Variants in TYR observed in about 807,000 individuals in gnomAD.
TYR encodes the protein tyrosinase.
In TYR, 58 loss-of-function variants were observed where a neutral mutation model predicts 51.5. That is an observed-to-expected ratio of 1.13 (90% CI 0.91 to 1.40). The LOEUF is 1.40. TYR is among the 40% of genes most tolerant of loss of function. The pLI, the probability that TYR is intolerant of heterozygous loss-of-function variation, is 0.00. For missense variants in TYR, 732 were observed against 647.4 expected (o/e 1.13, Z -1.42); for synonymous variants, 263 against 235.2 (o/e 1.12, Z -1.08).
At chr11:89,221,484 C>T (rs542416626) in intron 2 of TYR, among the ~76,000 whole-genome samples, 1 of 152,290 alleles carries the variant, frequency 6.6e-6, no homozygotes, top group East Asian at 1.9e-4. Context: ...TAATGCTTCT[C>T]GTGTATCTAG....
At chr11:89,186,608 A>T (rs1326457819) in intron 1 of TYR, among the ~76,000 whole-genome samples, 1 of 152,102 alleles carries the variant, frequency 6.6e-6, no homozygotes, top group Non-Finnish European at 1.5e-5. Flanking sequence ...TGTTGATCCC[A>T]TGATTTGTTG....
chr11:89,204,397 A>C (rs955700298), intron 2 of TYR, among the ~76,000 whole-genome samples: 5 of 145,530 alleles, frequency 3.4e-5, no homozygotes. Context: ...GAGATTATAC[A>C]TTTTTTTTTT....
intron 2 of TYR, among the ~76,000 whole-genome samples, chr11:89,217,596 G>T (rs1943849169): frequency 6.6e-6 from 1 of 152,202 alleles, no homozygotes; most frequent in Non-Finnish European, 1.5e-5. Flanking sequence ...GCATCCAGGA[G>T]TTAAGGGAAA....
intron 2 of TYR, among the ~76,000 whole-genome samples, chr11:89,204,840 A>G (rs1045484027): frequency 1.3e-5 from 2 of 151,602 alleles, no homozygotes; most frequent in African/African-American, 4.9e-5. Flanking sequence ...AAAAAAAAAG[A>G]CAGCAGACGT....
rs368354340 is a variant in TYR, at chr11:89,190,273, A to G, written c.820-929A>G. On this transcript the variant is annotated intron_variant, in intron 1 of 4. Transcript: ENST00000263321. ...GCCTGGATGTTTTATAGAGATTGTT[A>G]TAGAGATGATAGCTCCATGTGTACT... 1.4e-4 allele frequency among the ~76,000 whole-genome samples: 21 copies of G among 152,204 alleles called. No individual in the cohort carries two copies. The East Asian group carries it at 3.5e-3, about 25-fold the overall frequency.
At position 89,284,824 on chromosome 11, in the gene TYR, A is replaced by G. The variant is rs776895485; in HGVS notation, c.1236A>G (p.Pro412=). The change falls in exon 4 of 5, where the codon CCA becomes CCG. Residue 412 remains proline, a synonymous_variant. Coordinates refer to ENST00000263321, the MANE Select transcript of TYR (RefSeq NM_000372.5). ...ACCGTCCTCTTCAAGAAGTTTATCC[A>G]GAAGCCAATGCACCCATTGGACATA... ...RRHRPLQEVY[P]EANAPIGHNR... 17 of 1,611,872 alleles carry G rather than the reference A, an allele frequency of 1.1e-5. No homozygotes were observed. Among genetic ancestry groups the G allele is most frequent in the Non-Finnish European group, 1.4e-5 (16 of 1,178,596 alleles).
chr11:89,268,755 C>T (rs1298248964), intron 3 of TYR, among the ~76,000 whole-genome samples: 1 of 151,886 alleles, frequency 6.6e-6, no homozygotes, highest in Non-Finnish European at 1.5e-5. Flanking sequence ...ATGCATAAGG[C>T]CTTTCACAGT....
At chr11:89,180,010 C>T (rs1241678972) in intron 1 of TYR, among the ~76,000 whole-genome samples, 1 of 152,102 alleles carries the variant, frequency 6.6e-6, no homozygotes, top group Non-Finnish European at 1.5e-5. Context: ...ATGTAGATGG[C>T]CTTCTCCGCC....
At chr11:89,278,935 T>C (rs1295617112) in intron 3 of TYR, among the ~76,000 whole-genome samples, 1 of 151,762 alleles carries the variant, frequency 6.6e-6, no homozygotes, top group Non-Finnish European at 1.5e-5. Flanking sequence ...ACTGCTCAGG[T>C]ATTTTGTAAA....
intron 3 of TYR, among the ~76,000 whole-genome samples, chr11:89,241,061 A>C (rs2135291294): frequency 6.6e-6 from 1 of 152,322 alleles, no homozygotes; most frequent in Admixed American, 6.5e-5. Context: ...GATTTGGGAA[A>C]AACTAAAGAC....
At chr11:89,240,906 C>A (rs141553778) in intron 3 of TYR, among the ~76,000 whole-genome samples, 2,636 of 152,226 alleles carry the variant, frequency 0.017, 71 homozygotes, top group African/African-American at 0.059. Context: ...TGACAAGGGA[C>A]TCTAAGCTGT....
chr11:89,284,842 T>C lies in TYR; in HGVS notation c.1254T>C (p.Ile418=). ...TTTATCCAGAAGCCAATGCACCCATTGGACATAACCGGGAATCCTACATGG... is the reference window on the plus strand; with the variant it reads ...TTTATCCAGAAGCCAATGCACCCATCGGACATAACCGGGAATCCTACATGG... The part of the protein sequence containing the change: ...QEVYPEANAP[I]GHNRESYMVP... Residue 418 remains isoleucine, a synonymous_variant, in exon 4 of 5, where the codon ATT becomes ATC. Coordinates refer to ENST00000263321, the MANE Select transcript of TYR (RefSeq NM_000372.5). The C allele has an allele frequency of 1.2e-6, 2 of 1,612,070 alleles. No individual in the cohort carries two copies. Among genetic ancestry groups the C allele is most frequent in the Non-Finnish European group, 1.7e-6 (2 of 1,178,638 alleles).
At chr11:89,274,125 G>T (rs942516321) in intron 3 of TYR, among the ~76,000 whole-genome samples, 2 of 151,866 alleles carry the variant, frequency 1.3e-5, no homozygotes, top group Non-Finnish European at 2.9e-5. Context: ...ATGAAGTTAA[G>T]TAGCTTGCCC....
intron 1 of TYR, among the ~76,000 whole-genome samples, chr11:89,188,199 G>A (rs1943401089): frequency 6.6e-6 from 1 of 151,666 alleles, no homozygotes; most frequent in South Asian, 2.1e-4. Flanking sequence ...TATTAAAAAT[G>A]TTTAAGTCAA....
At chr11:89,262,746 A>C (rs1207278425) in intron 3 of TYR, among the ~76,000 whole-genome samples, 12 of 146,672 alleles carry the variant, frequency 8.2e-5, no homozygotes, top group African/African-American at 3.0e-4. Context: ...GATAAAGTAG[A>C]TAAAATAAAT....
intron 2 of TYR, among the ~76,000 whole-genome samples, chr11:89,201,496 C>T (rs1034720270): frequency 6.6e-6 from 1 of 152,088 alleles, no homozygotes; most frequent in Non-Finnish European, 1.5e-5. Context: ...ATTAAAAAGG[C>T]ATGTAAAAAA....
intron 3 of TYR, among the ~76,000 whole-genome samples, chr11:89,269,957 C>T (rs145387089): frequency 0.024 from 3,596 of 151,964 alleles, 133 homozygotes; most frequent in African/African-American, 0.081. Context: ...TATCTACTAC[C>T]GTGTTGCTCC....
rs546537919 is a variant in TYR, at chr11:89,178,004, T to C, written c.51T>C (p.Ala17=). The C allele has an allele frequency of 3.3e-5, 54 of 1,614,084 alleles. No individual in the cohort carries two copies. The highest frequency in any genetic ancestry group is 4.5e-5 in the Non-Finnish European group (53 of 1,180,038). The change falls in exon 1 of 5, where the codon GCT becomes GCC. Residue 17 remains alanine, a synonymous_variant. Coordinates refer to ENST00000263321, the MANE Select transcript of TYR (RefSeq NM_000372.5). ...TGCTGTGGAGTTTCCAGACCTCCGC[T>C]GGCCATTTCCCTAGAGCCTGTGTCT... The part of the protein sequence containing the change: ...YCLLWSFQTS[A]GHFPRACVSS...
chr11:89,295,215 G>C lies in TYR; in HGVS notation c.1439G>C (p.Gly480Ala). 1 of 1,613,980 alleles carries C rather than the reference G, an allele frequency of 6.2e-7. No individual in the cohort carries two copies. The highest frequency in any genetic ancestry group is 1.7e-4 in the Middle Eastern group (1 of 6,054). Residue 480 changes from glycine (G) to alanine (A), a missense_variant, in exon 5 of 5, where the codon GGG becomes GCG. By Grantham distance (60) the Gly-to-Ala change is moderately conservative. Transcript: ENST00000263321. ...QASRIWSWLL[G>A]AAMVGAVLTA... ...AGTCGGATCTGGTCATGGCTCCTTGGGGCGGCGATGGTAGGGGCCGTCCTC... is the reference window on the plus strand; with the variant it reads ...AGTCGGATCTGGTCATGGCTCCTTGCGGCGGCGATGGTAGGGGCCGTCCTC...
Sources: gnomAD v4.1 joint callset for allele counts (sites outside exome capture counted in the v4.1 genomes callset) on GRCh38, gnomAD v4.1.1 for gene constraint, MANE v1.5 for transcripts, NCBI Gene and HGNC (gene_info 2026-07-23, HGNC 2026-07-21) for gene names.